ADAMTS17: variants seen among roughly 807,000 people sequenced by gnomAD.
The protein encoded by ADAMTS17 is A disintegrin and metalloproteinase with thrombospondin motifs 17.
ADAMTS17 carries 113 observed loss-of-function variants against 141.5 expected under a neutral mutation model. The observed-to-expected ratio is 0.80, with a 90% CI of 0.69 to 0.93. ADAMTS17 has a LOEUF of 0.93. Ranked by LOEUF, ADAMTS17 falls within the 40% of genes least tolerant of loss-of-function variation. The probability of loss-of-function intolerance (pLI) is 0.00; values close to 1 mark genes in which losing one functional copy is unlikely to be tolerated. For synonymous variants in ADAMTS17, 768 were observed against 630.6 expected, an observed-to-expected ratio of 1.22 and a Z score of -3.27; for missense variants, 1,659 against 1,517.9, an observed-to-expected ratio of 1.09 and a Z score of -1.54.
intron 8 of ADAMTS17, among the ~76,000 whole-genome samples, chr15:100,170,282 G>C (rs145346815): frequency 7.2e-5 from 11 of 152,296 alleles, no homozygotes; most frequent in African/African-American, 2.6e-4. Flanking sequence ...TTTCACAGTT[G>C]AGATACAGGC....
At chr15:99,992,107 C>T (rs112997379) in intron 20 of ADAMTS17, among the ~76,000 whole-genome samples, 9,159 of 151,864 alleles carry the variant, frequency 0.06, 823 homozygotes, top group African/African-American at 0.19. Flanking sequence ...GGTTGATGGG[C>T]GCAGCAAACC....
chr15:100,096,578 G>A (rs1346556214), intron 14 of ADAMTS17, 102 bp from the exon 15 acceptor site: 5 of 1,498,062 alleles, frequency 3.3e-6, no homozygotes, highest in Non-Finnish European at 3.7e-6. Flanking sequence ...CAGCATACAT[G>A]GGGCCTGGGG....
At chr15:100,331,185 A>G in intron 2 of ADAMTS17, 131 bp from the exon 3 acceptor site, 1 of 1,146,866 alleles carries the variant, frequency 8.7e-7, no homozygotes, top group African/African-American at 1.5e-5. Context: ...TTCTTTGCAG[A>G]TTGGTCAGAT....
intron 15 of ADAMTS17, among the ~76,000 whole-genome samples, chr15:100,060,073 T>A (rs12901866): frequency 0.53 from 81,195 of 152,098 alleles, 24,629 homozygotes; most frequent in Non-Finnish European, 0.69. Context: ...AATGCTTTGA[T>A]TTTATGGGCA....
intron 15 of ADAMTS17, among the ~76,000 whole-genome samples, chr15:100,079,738 G>A (rs1365287901): frequency 1.3e-5 from 2 of 152,150 alleles, no homozygotes; most frequent in Non-Finnish European, 2.9e-5. Flanking sequence ...TGCCTATCCT[G>A]CACGAAATGC....
intron 7 of ADAMTS17, among the ~76,000 whole-genome samples, chr15:100,224,446 T>C (rs1333765833): frequency 6.6e-6 from 1 of 152,144 alleles, no homozygotes; most frequent in Non-Finnish European, 1.5e-5. Flanking sequence ...GGTAAAAGAA[T>C]TGAGATACAG....
chr15:100,269,845 A>G (rs1167156831), intron 4 of ADAMTS17, among the ~76,000 whole-genome samples: 1 of 152,088 alleles, frequency 6.6e-6, no homozygotes, highest in African/African-American at 2.4e-5. Flanking sequence ...CTCGGTCTTC[A>G]TTTTGATTCT....
intron 10 of ADAMTS17, among the ~76,000 whole-genome samples, chr15:100,142,215 G>C (rs574672837): frequency 6.6e-6 from 1 of 152,222 alleles, no homozygotes. Flanking sequence ...AAACTTTGTT[G>C]TCCCAAGGTA....
At chr15:100,112,240 G>C (rs1197447573) in intron 13 of ADAMTS17, among the ~76,000 whole-genome samples, 2 of 152,190 alleles carry the variant, frequency 1.3e-5, no homozygotes, top group African/African-American at 4.8e-5. Context: ...CTTGCACGAA[G>C]GAACGCTCAG....
chr15:100,210,917 T>C (rs546082921), intron 7 of ADAMTS17, among the ~76,000 whole-genome samples: 1 of 152,078 alleles, frequency 6.6e-6, no homozygotes, highest in East Asian at 1.9e-4. Flanking sequence ...CTGGCTAACA[T>C]GGTGAAACCT....
chr15:100,207,360 G>C lies in ADAMTS17; in HGVS notation c.1076-7937C>G, dbSNP rs574544639. On this transcript the variant is annotated intron_variant, in intron 7 of 21. Transcript: ENST00000268070. ...GCTTCCAGACCCATAAGGAATAACT[G>C]TGTGCTGTGTAAGCCTCCCAGTCTG... is the stretch of plus-strand genomic sequence containing the variant. Among the ~76,000 whole-genome samples the C allele has an allele frequency of 1.4e-3, 220 of 152,264 alleles. 6 individuals carry two copies. The South Asian group carries it at 0.044, about 31-fold the overall frequency.
At chr15:100,186,234 C>T (rs867176599) in intron 8 of ADAMTS17, among the ~76,000 whole-genome samples, 3 of 152,088 alleles carry the variant, frequency 2.0e-5, no homozygotes, top group African/African-American at 7.2e-5. Context: ...GAGACTTAGC[C>T]GATGTTAAAT....
At position 99,974,453 on chromosome 15, in the gene ADAMTS17, G is replaced by A. The variant is rs757883707; in HGVS notation, c.3237C>T (p.Thr1079=). The change falls in exon 22 of 22, where the codon ACC becomes ACT. Residue 1079 remains threonine, a synonymous_variant. Transcript: ENST00000268070. ...DMRWYQRCCQ[T]CRDFYANKMR... ...TCTTGTTTGCATAGAAGTCCCTGCA[G>A]GTCTGGCAGCAGCGCTGGTACCACC... 4 of 1,614,238 alleles carry A rather than the reference G, an allele frequency of 2.5e-6. No individual in the cohort carries two copies. The highest frequency in any genetic ancestry group is 3.4e-6 in the Non-Finnish European group (4 of 1,180,046).
chr15:100,161,973 G>C (rs2039711123), intron 8 of ADAMTS17, among the ~76,000 whole-genome samples: 1 of 152,150 alleles, frequency 6.6e-6, no homozygotes, highest in African/African-American at 2.4e-5. Flanking sequence ...GTAGACTGGG[G>C]GTCGCCATAG....
chr15:100,224,724 T>G (rs1567385243), intron 7 of ADAMTS17, among the ~76,000 whole-genome samples: 2 of 152,222 alleles, frequency 1.3e-5, no homozygotes, highest in Non-Finnish European at 2.9e-5. Flanking sequence ...AGAACACTCT[T>G]TGTCCTGCAC....
At chr15:100,316,283 T>C (rs977733272) in intron 3 of ADAMTS17, among the ~76,000 whole-genome samples, 10 of 152,160 alleles carry the variant, frequency 6.6e-5, no homozygotes, top group Non-Finnish European at 8.8e-5. Flanking sequence ...TCCTCAAGCA[T>C]GTGACGCTGG....
At chr15:100,213,173 G>T (rs562536289) in intron 7 of ADAMTS17, among the ~76,000 whole-genome samples, 1 of 152,222 alleles carries the variant, frequency 6.6e-6, no homozygotes, top group Non-Finnish European at 1.5e-5. Flanking sequence ...GGCCTTTATT[G>T]TATCTTGGTA....
At chr15:100,247,129 C>A (rs1276521938) in intron 7 of ADAMTS17, among the ~76,000 whole-genome samples, 1 of 152,098 alleles carries the variant, frequency 6.6e-6, no homozygotes, top group Non-Finnish European at 1.5e-5. Context: ...TCAAGTGATC[C>A]ACCCACCTCG....
intron 7 of ADAMTS17, among the ~76,000 whole-genome samples, chr15:100,212,134 TATC>T (rs1329882435): frequency 1.3e-5 from 2 of 152,178 alleles, no homozygotes; most frequent in African/African-American, 4.8e-5. Context: ...GGGATACTAT[TATC>T]ATCCTCATTC....
Sources: gnomAD v4.1 joint callset for allele counts (sites outside exome capture counted in the v4.1 genomes callset) on GRCh38, gnomAD v4.1.1 for gene constraint, MANE v1.5 for transcripts, NCBI Gene and HGNC (gene_info 2026-07-23, HGNC 2026-07-21) for gene names.